Variants in RIMS2 observed in about 807,000 individuals in gnomAD.
RIMS2 encodes the protein regulating synaptic membrane exocytosis 2.
Under a neutral mutation model 174.4 loss-of-function variants are expected in RIMS2, and 59 were observed. The ratio of observed to expected loss-of-function variants is 0.34; its 90% confidence interval spans 0.27 to 0.42. The LOEUF is 0.42. Among genes scored for constraint, RIMS2 ranks in the 10% least tolerant of loss-of-function variants. The pLI, the probability that RIMS2 is intolerant of heterozygous loss-of-function variation, is 1.00. For missense variants in RIMS2, 1,620 were observed against 1,666.3 expected (o/e 0.97, Z 0.48); for synonymous variants, 606 against 572.5 (o/e 1.06, Z -0.84).
At chr8:103,713,453 A>G (rs1193658284) in intron 2 of RIMS2, among the ~76,000 whole-genome samples, 2 of 152,142 alleles carry the variant, frequency 1.3e-5, no homozygotes, top group African/African-American at 4.8e-5. Flanking sequence ...ATAATTTTCA[A>G]CTTTTTAATT....
intron 2 of RIMS2, among the ~76,000 whole-genome samples, chr8:103,741,290 C>A (rs2097759429): frequency 6.6e-6 from 1 of 151,938 alleles, no homozygotes; most frequent in South Asian, 2.1e-4. Context: ...CTATTTCCTT[C>A]GTTTTTATAG....
At chr8:104,004,015 T>C (rs1461225544) in intron 17 of RIMS2, among the ~76,000 whole-genome samples, 1 of 152,178 alleles carries the variant, frequency 6.6e-6, no homozygotes, top group Non-Finnish European at 1.5e-5. Context: ...CCCAGTCTTA[T>C]ATCTTCAATA....
chr8:103,752,563 G>A (rs1221729132), intron 2 of RIMS2, among the ~76,000 whole-genome samples: 2 of 151,870 alleles, frequency 1.3e-5, no homozygotes, highest in Non-Finnish European at 2.9e-5. Context: ...TTTCACCCAT[G>A]AGCATGGAAT....
chr8:104,221,265 TAAAC>T (rs1004238438), intron 19 of RIMS2, among the ~76,000 whole-genome samples: 1 of 152,182 alleles, frequency 6.6e-6, no homozygotes, highest in African/African-American at 2.4e-5. Flanking sequence ...CGCACACACA[TAAAC>T]ATACATATTC....
chr8:104,102,908 G>A (rs2131203794), intron 19 of RIMS2, among the ~76,000 whole-genome samples: 1 of 152,234 alleles, frequency 6.6e-6, no homozygotes, highest in Non-Finnish European at 1.5e-5. Context: ...CATATAACAA[G>A]CTCATTAGGA....
At chr8:104,070,440 T>C (rs1263389710) in intron 19 of RIMS2, among the ~76,000 whole-genome samples, 1 of 152,208 alleles carries the variant, frequency 6.6e-6, no homozygotes, top group Non-Finnish European at 1.5e-5. Context: ...TTCAAACAGG[T>C]ATAGTAAATT....
At chr8:103,550,763 G>C (rs1300750852) in intron 1 of RIMS2, among the ~76,000 whole-genome samples, 1 of 152,158 alleles carries the variant, frequency 6.6e-6, no homozygotes, top group Admixed American at 6.5e-5. Context: ...AATAAAAAAT[G>C]ATAAAGGGGT....
chr8:103,952,344 A>G (rs1439089759), intron 14 of RIMS2, among the ~76,000 whole-genome samples: 1 of 152,120 alleles, frequency 6.6e-6, no homozygotes, highest in Non-Finnish European at 1.5e-5. Flanking sequence ...GCTGACAGAC[A>G]CCTCATACAG....
chr8:103,718,237 T>C (rs2097398563), intron 2 of RIMS2, among the ~76,000 whole-genome samples: 1 of 150,314 alleles, frequency 6.7e-6, no homozygotes, highest in Admixed American at 6.6e-5. Flanking sequence ...TCTAGATAGC[T>C]CAATCAGGGG....
intron 1 of RIMS2, among the ~76,000 whole-genome samples, chr8:103,541,856 GTTA>G (rs1842733745): frequency 6.6e-6 from 1 of 152,182 alleles, no homozygotes; most frequent in Admixed American, 6.5e-5. Flanking sequence ...AAGTTTAGTT[GTTA>G]TTATGTTAAA....
chr8:103,876,909 T>TATATATACACAC (rs71297243), intron 3 of RIMS2, among the ~76,000 whole-genome samples: 136 of 65,968 alleles, frequency 2.1e-3, no homozygotes, highest in Non-Finnish European at 4.1e-3. Flanking sequence ...TATATATATA[T>TATATATACACAC]ACACACACAC....
intron 1 of RIMS2, among the ~76,000 whole-genome samples, chr8:103,557,404 A>G (rs529534374): frequency 1.3e-5 from 2 of 152,302 alleles, no homozygotes; most frequent in East Asian, 1.9e-4. Flanking sequence ...AAAAATGTCC[A>G]TGTGTTCATT....
intron 1 of RIMS2, among the ~76,000 whole-genome samples, chr8:103,528,390 G>A (rs998156428): frequency 6.6e-6 from 1 of 152,128 alleles, no homozygotes; most frequent in African/African-American, 2.4e-5. Flanking sequence ...AAGCTCTTTA[G>A]TTTAATTAGA....
chr8:103,547,317 A>G (rs923393841), intron 1 of RIMS2, among the ~76,000 whole-genome samples: 4 of 152,164 alleles, frequency 2.6e-5, no homozygotes, highest in African/African-American at 9.7e-5. Context: ...CTTTCAACAA[A>G]TGTTGAATAA....
intron 17 of RIMS2, among the ~76,000 whole-genome samples, chr8:104,001,245 T>A (rs2095373205): frequency 6.6e-6 from 1 of 151,856 alleles, no homozygotes; most frequent in Non-Finnish European, 1.5e-5. Context: ...TTTGAAATGT[T>A]CCCAACACAA....
chr8:103,612,869 A>G (rs6983590), intron 1 of RIMS2, among the ~76,000 whole-genome samples: 27,643 of 152,022 alleles, frequency 0.18, 2,739 homozygotes, highest in African/African-American at 0.26. Flanking sequence ...GCACCTGGCC[A>G]AGACTCTTGT....
At chr8:103,871,591 C>T (rs2099112184) in intron 3 of RIMS2, among the ~76,000 whole-genome samples, 2 of 151,748 alleles carry the variant, frequency 1.3e-5, no homozygotes, top group South Asian at 2.1e-4. Flanking sequence ...ACTGTCATTA[C>T]GTTAGCCATT....
At chr8:104,246,999 G>GGGGGCAAGGGGCAA (rs61213786) in intron 20 of RIMS2, among the ~76,000 whole-genome samples, 4 of 151,100 alleles carry the variant, frequency 2.6e-5, no homozygotes, top group African/African-American at 9.7e-5. Flanking sequence ...TGAGTGCTGA[G>GGGGGCAAGGGGCAA]GGGGCAAGGG....
intron 19 of RIMS2, among the ~76,000 whole-genome samples, chr8:104,025,778 A>G (rs2096243729): frequency 1.4e-5 from 2 of 146,900 alleles, no homozygotes; most frequent in Admixed American, 1.4e-4. Context: ...CAGACTCCAT[A>G]TACAACAATA....
Sources: gnomAD v4.1 joint callset for allele counts (sites outside exome capture counted in the v4.1 genomes callset) on GRCh38, gnomAD v4.1.1 for gene constraint, MANE v1.5 for transcripts, NCBI Gene and HGNC (gene_info 2026-07-23, HGNC 2026-07-21) for gene names.